Variants in FOXP2 observed in about 807,000 individuals in gnomAD.
FOXP2 encodes the protein forkhead box P2.
A neutral mutation model predicts 115.8 loss-of-function variants in FOXP2; 12 were observed. The observed-to-expected ratio is 0.10, with a 90% CI of 0.07 to 0.17. The LOEUF (loss-of-function observed/expected upper bound fraction) is 0.17. Among genes scored for constraint, FOXP2 ranks in the 10% least tolerant of loss-of-function variants. The pLI, the probability that FOXP2 is intolerant of heterozygous loss-of-function variation, is 1.00. For synonymous variants in FOXP2, 328 were observed against 297.7 expected, an observed-to-expected ratio of 1.10 and a Z score of -1.05; for missense variants, 629 against 843.5, an observed-to-expected ratio of 0.75 and a Z score of 3.15.
rs749792793 is a variant in FOXP2, at chr7:114,690,097, G to T, written c.*171G>T. 6.5e-5 allele frequency: 47 copies of T among 721,962 alleles called. No homozygotes were observed. Among genetic ancestry groups the T allele is most frequent in the South Asian group, 6.5e-4 (43 of 66,270 alleles). 44.7% of individuals were successfully genotyped at this position (721,962 alleles called of 1,614,324 possible). ...AGCCCTTTGGGATTCAGTACCAACAGGCAAATTGCTTGTTTTCTTCTTCTT... is the reference window on the plus strand; with the variant it reads ...AGCCCTTTGGGATTCAGTACCAACATGCAAATTGCTTGTTTTCTTCTTCTT... On this transcript the variant is annotated 3_prime_UTR_variant, in exon 17 of 17. Transcript: ENST00000350908.
intron 3 of FOXP2, among the ~76,000 whole-genome samples, chr7:114,614,594 G>T (rs1000174803): frequency 6.6e-6 from 1 of 151,914 alleles, no homozygotes; most frequent in Non-Finnish European, 1.5e-5. Flanking sequence ...ATTATTCCAC[G>T]TGTGTTCTCT....
chr7:114,599,142 G>A (rs1008421705), intron 3 of FOXP2, among the ~76,000 whole-genome samples: 2 of 152,052 alleles, frequency 1.3e-5, no homozygotes, highest in Non-Finnish European at 2.9e-5. Flanking sequence ...GGCCATCTTT[G>A]TCTCATCTCC....
intron 2 of FOXP2, among the ~76,000 whole-genome samples, chr7:114,343,803 T>A (rs1021866849): frequency 2.0e-5 from 3 of 151,710 alleles, no homozygotes; most frequent in Non-Finnish European, 4.4e-5. Context: ...CCATTTTACT[T>A]AAAAATACAG....
chr7:114,355,044 A>G (rs1476942494), intron 2 of FOXP2, among the ~76,000 whole-genome samples: 2 of 152,192 alleles, frequency 1.3e-5, no homozygotes, highest in Non-Finnish European at 2.9e-5. Flanking sequence ...TATAACTAAT[A>G]TTCTAACTTT....
chr7:114,318,726 T>TATATATATATATATAC (rs1417603943), intron 2 of FOXP2, among the ~76,000 whole-genome samples: 7 of 151,086 alleles, frequency 4.6e-5, no homozygotes, highest in South Asian at 2.1e-4. Flanking sequence ...TATATATATA[T>TATATATATATATATAC]ACACACACAC....
At chr7:114,436,040 T>C (rs1037347166) in intron 2 of FOXP2, among the ~76,000 whole-genome samples, 2 of 152,070 alleles carry the variant, frequency 1.3e-5, no homozygotes, top group African/African-American at 2.4e-5. Context: ...CTGTGAAGCA[T>C]TGGGAAAAAT....
At chr7:114,348,635 A>G (rs1203810930) in intron 2 of FOXP2, among the ~76,000 whole-genome samples, 1 of 152,252 alleles carries the variant, frequency 6.6e-6, no homozygotes, top group East Asian at 1.9e-4. Context: ...TCCAAAAGAC[A>G]TAAGGTTGAG....
At chr7:114,352,920 T>C (rs866419117) in intron 2 of FOXP2, among the ~76,000 whole-genome samples, 2 of 152,174 alleles carry the variant, frequency 1.3e-5, no homozygotes, top group African/African-American at 2.4e-5. Flanking sequence ...TCACAAAGTC[T>C]AATTTGACGG....
chr7:114,108,723 A>G (rs964245033), intron 1 of FOXP2, among the ~76,000 whole-genome samples: 3 of 151,932 alleles, frequency 2.0e-5, no homozygotes, highest in Non-Finnish European at 4.4e-5. Context: ...TCATACATTT[A>G]TCTATTGAGA....
intron 2 of FOXP2, among the ~76,000 whole-genome samples, chr7:114,441,615 A>G (rs1250951144): frequency 1.3e-5 from 2 of 152,194 alleles, no homozygotes; most frequent in Non-Finnish European, 2.9e-5. Context: ...CAATTTCTCT[A>G]AAATTTGTGA....
At chr7:114,534,537 C>G in intron 2 of FOXP2, 80 bp from the exon 3 acceptor site, 1 of 1,107,702 alleles carries the variant, frequency 9.0e-7, no homozygotes. Context: ...TACATTGAAG[C>G]CTTTTACTAT....
intron 1 of FOXP2, among the ~76,000 whole-genome samples, chr7:114,099,146 A>G (rs1799716986): frequency 6.6e-6 from 1 of 152,186 alleles, no homozygotes; most frequent in Non-Finnish European, 1.5e-5. Flanking sequence ...ACAAACAAAC[A>G]AACAAACAGA....
intron 9 of FOXP2, among the ~76,000 whole-genome samples, 183 bp from the exon 10 acceptor site, chr7:114,653,743 T>C (rs534439863): frequency 1.3e-5 from 2 of 152,282 alleles, no homozygotes; most frequent in African/African-American, 4.8e-5. Flanking sequence ...AGAAAAGCTA[T>C]AAAAGTTTTT....
intron 2 of FOXP2, among the ~76,000 whole-genome samples, chr7:114,468,095 C>T (rs1795890451): frequency 6.6e-6 from 1 of 152,160 alleles, no homozygotes; most frequent in Non-Finnish European, 1.5e-5. Flanking sequence ...GCTTCATGTA[C>T]ATTTCATTAT....
intron 1 of FOXP2, among the ~76,000 whole-genome samples, chr7:114,176,292 CTTTCTT>C (rs755492448): frequency 0.044 from 2,041 of 46,576 alleles, 22 homozygotes; most frequent in Non-Finnish European, 0.065. Context: ...TTCTTTCTTT[CTTTCTT>C]TCTCTCTCTC....
At chr7:114,554,769 A>AT (rs889329040) in intron 3 of FOXP2, among the ~76,000 whole-genome samples, 17 of 152,024 alleles carry the variant, frequency 1.1e-4, no homozygotes, top group Admixed American at 7.2e-4. Flanking sequence ...TTTAATACTA[A>AT]TTTTTTTTCA....
chr7:114,252,301 C>A (rs1362931095), intron 1 of FOXP2, among the ~76,000 whole-genome samples: 1 of 152,110 alleles, frequency 6.6e-6, no homozygotes, highest in East Asian at 1.9e-4. Flanking sequence ...ATGATGCTTG[C>A]CTCATAAAAT....
At chr7:114,395,747 T>C (rs1284924720) in intron 2 of FOXP2, among the ~76,000 whole-genome samples, 1 of 152,096 alleles carries the variant, frequency 6.6e-6, no homozygotes, top group African/African-American at 2.4e-5. Flanking sequence ...GTCTGGCTTA[T>C]TTCAATTAAC....
chr7:114,680,564 C>T (rs1330627095), intron 16 of FOXP2, among the ~76,000 whole-genome samples: 1 of 151,908 alleles, frequency 6.6e-6, no homozygotes, highest in Non-Finnish European at 1.5e-5. Flanking sequence ...TTTTAGGTGC[C>T]CAGTAAATAA....
Sources: allele counts gnomAD v4.1 joint callset (sites outside exome capture counted in the v4.1 genomes callset), GRCh38; gene constraint gnomAD v4.1.1; transcripts MANE v1.5; gene names NCBI Gene and HGNC (gene_info 2026-07-23, HGNC 2026-07-21).